Variants in RNF212 observed in about 807,000 individuals in gnomAD.
RNF212 encodes the protein probable E3 SUMO-protein ligase RNF212.
Under a neutral mutation model 34.7 loss-of-function variants are expected in RNF212, and 33 were observed. The observed-to-expected ratio is 0.95, with a 90% CI of 0.72 to 1.27. The LOEUF (loss-of-function observed/expected upper bound fraction) is 1.27. Ranked by LOEUF, RNF212 falls within the 50% of genes most tolerant of loss-of-function variation. The probability of loss-of-function intolerance (pLI) is 0.00; values close to 1 mark genes in which losing one functional copy is unlikely to be tolerated. For missense variants in RNF212, 377 were observed against 362.2 expected, an observed-to-expected ratio of 1.04 and a Z score of -0.33; for synonymous variants, 140 against 136.1, an observed-to-expected ratio of 1.03 and a Z score of -0.20.
chr4:1,076,218 G>A (rs1042287997), intron 8 of RNF212, among the ~76,000 whole-genome samples: 15 of 152,160 alleles, frequency 9.9e-5, no homozygotes, highest in African/African-American at 3.4e-4. Context: ...GGGGCCTTAG[G>A]CTCTGCTTCT....
At chr4:1,060,365 C>T (rs1717670217) in intron 3 of RNF212, among the ~76,000 whole-genome samples, 2 of 152,160 alleles carry the variant, frequency 1.3e-5, no homozygotes. Context: ...TCAAGTCACA[C>T]CAGGCGTCAT....
At chr4:1,112,084 T>A (rs1343586371) in intron 1 of RNF212, among the ~76,000 whole-genome samples, 1 of 152,186 alleles carries the variant, frequency 6.6e-6, no homozygotes, top group Non-Finnish European at 1.5e-5. Flanking sequence ...TGCACATGCC[T>A]GTAGCCCCGC....
intron 2 of RNF212, chr4:1,101,077 T>C (rs1315164082): frequency 2.5e-5 from 4 of 160,278 alleles, no homozygotes; most frequent in Non-Finnish European, 5.6e-5. Flanking sequence ...CACCTGCAGA[T>C]AAATATGTTT....
chr4:1,100,196 TTTCC>T lies in RNF212; in HGVS notation c.172-3361_172-3358del, dbSNP rs200445136. The T allele has an allele frequency of 1.9e-4, 57 of 306,064 alleles. 1 individual carries two copies. The East Asian group carries it at 5.0e-3, about 27-fold the overall frequency. The allele number at this position is 306,064 out of a possible 1,614,324, so 19.0% of individuals were successfully genotyped here. On this transcript the variant is annotated intron_variant, in intron 2 of 9. Coordinates refer to ENST00000433731, the MANE Select transcript of RNF212 (RefSeq NM_001131034.4). ...TTCAGAATCGTACCAGGCTTACTGCTTTCCCGTGATACTTCTAGCGTTAGGTCTT... is the reference window on the plus strand; with the variant it reads ...TTCAGAATCGTACCAGGCTTACTGCTCGTGATACTTCTAGCGTTAGGTCTT...
At chr4:1,077,628 A>G (rs879619376) in intron 8 of RNF212, among the ~76,000 whole-genome samples, 2 of 152,220 alleles carry the variant, frequency 1.3e-5, no homozygotes, top group Admixed American at 6.5e-5. Flanking sequence ...CTTCCTCCTT[A>G]AGCTGTGGGG....
chr4:1,109,256 C>G (rs540401425), intron 1 of RNF212, among the ~76,000 whole-genome samples: 2 of 152,300 alleles, frequency 1.3e-5, no homozygotes, highest in African/African-American at 4.8e-5. Context: ...GATCAGCCCA[C>G]ATCGGTCTCT....
intron 4 of RNF212, chr4:1,056,645 T>A (rs988156637): frequency 4.4e-6 from 2 of 450,342 alleles, no homozygotes; most frequent in Admixed American, 6.4e-5. Context: ...TAAGTCATAA[T>A]TTTCGAAATT....
At chr4:1,056,482 GA>G in exon 5 of RNF212, 1 of 985,140 alleles carries the variant, frequency 1.0e-6, no homozygotes, top group Non-Finnish European at 1.2e-6. Flanking sequence ...CTTTGTCTTT[GA>G]AATGACTTCA....
exon 4 of RNF212, chr4:1,058,374 G>A: frequency 1.0e-6 from 1 of 984,126 alleles, no homozygotes; most frequent in Non-Finnish European, 1.2e-6. Flanking sequence ...GATGCTCGGG[G>A]CCCAGGGAGG....
intron 3 of RNF212, chr4:1,094,123 C>G: frequency 7.7e-7 from 1 of 1,303,678 alleles, no homozygotes; most frequent in Non-Finnish European, 1.0e-6. Flanking sequence ...AGGAGAGTGC[C>G]ATGCAGGGGT....
chr4:1,109,864 C>T (rs1725388785), intron 1 of RNF212, among the ~76,000 whole-genome samples: 1 of 152,240 alleles, frequency 6.6e-6, no homozygotes. Context: ...CAGCTCCCAG[C>T]ACACAGAATG....
At position 1,072,601 on chromosome 4, in the gene RNF212, A is replaced by T. The variant is rs1718625056; in HGVS notation, c.*273T>A. 1 of 970,980 alleles carries T rather than the reference A, an allele frequency of 1.0e-6. No homozygotes were observed. Among genetic ancestry groups the T allele is most frequent in the Admixed American group, 4.8e-5 (1 of 20,952 alleles). 60.1% of individuals were successfully genotyped at this position (970,980 alleles called of 1,614,324 possible). A position where few individuals can be genotyped will look rare whatever the true frequency, so the allele number is the denominator to read the frequency against. On this transcript the variant is annotated 3_prime_UTR_variant, in exon 10 of 10. Transcript: ENST00000433731. ...TTTAAAAACCACCCAGTTAGAAAAAAATGATTTAAGTATGTGAAAAAAAAA... is the reference window on the plus strand; with the variant it reads ...TTTAAAAACCACCCAGTTAGAAAAATATGATTTAAGTATGTGAAAAAAAAA...
chr4:1,092,621 T>C (rs1026479607), intron 3 of RNF212, among the ~76,000 whole-genome samples: 23 of 152,234 alleles, frequency 1.5e-4, no homozygotes, highest in African/African-American at 4.8e-4. Context: ...AGTGAGTGTT[T>C]ATCTTGCAGA....
At chr4:1,073,760 C>T (rs1718810045) in intron 8 of RNF212, 98 bp from the exon 9 acceptor site, 1 of 791,114 alleles carries the variant, frequency 1.3e-6, no homozygotes, top group Non-Finnish European at 2.2e-6. Flanking sequence ...TCCCAGAACC[C>T]CATCTCCCTC....
Position 1,073,140 on chromosome 4 carries a change from G to T in RNF212, c.628C>A (p.Pro210Thr). The T allele has an allele frequency of 6.2e-7, 1 of 1,614,174 alleles. No homozygotes were observed. ...CFIPWLTLSK[P>T]PVPGECVISR... is the part of the protein sequence containing the mutation. ...ATGACACACTCTCCGGGCACAGGGG[G>T]CTTAGACAAGGTCAACCATGGGATG... The change falls in exon 10 of 10, where the codon CCC becomes ACC. Residue 210 changes from proline (P) to threonine (T), a missense_variant. Coordinates refer to ENST00000433731, the MANE Select transcript of RNF212 (RefSeq NM_001131034.4).
chr4:1,113,532 C>A lies in RNF212; in HGVS notation c.-68G>T, dbSNP rs1726167265. 1.5e-6 allele frequency: 2 copies of A among 1,343,132 alleles called. No homozygotes were observed. The highest frequency in any genetic ancestry group is 2.1e-6 in the Non-Finnish European group (2 of 966,308). The allele number at this position is 1,343,132 out of a possible 1,614,324, so 83.2% of individuals were successfully genotyped here. On this transcript the variant is annotated 5_prime_UTR_variant, in exon 1 of 10. Coordinates refer to ENST00000433731, the MANE Select transcript of RNF212 (RefSeq NM_001131034.4). ...GCCCACGCAAGGTTGGGACCAGCCT[C>A]CCCGCGCAGGGCCCGAAGGCGGGCA...
intron 2 of RNF212, among the ~76,000 whole-genome samples, chr4:1,106,823 T>C (rs1201356029): frequency 6.6e-6 from 1 of 152,222 alleles, no homozygotes; most frequent in Non-Finnish European, 1.5e-5. Context: ...CTGTTAAAAG[T>C]GCAAACATTT....
At chr4:1,089,227 G>T (rs967408094) in intron 4 of RNF212, among the ~76,000 whole-genome samples, 21 of 152,204 alleles carry the variant, frequency 1.4e-4, no homozygotes, top group African/African-American at 4.6e-4. Context: ...GTTGCCCAAG[G>T]CCTTGGGAGC....
intron 3 of RNF212, 40 bp from the exon 4 acceptor site, chr4:1,090,878 C>T (rs778425137): frequency 7.2e-5 from 96 of 1,333,958 alleles, no homozygotes; most frequent in African/African-American, 1.2e-4. Flanking sequence ...CACAGATCCA[C>T]GGTCTCTGTG....
Sources: allele counts gnomAD v4.1 joint callset (sites outside exome capture counted in the v4.1 genomes callset), GRCh38; gene constraint gnomAD v4.1.1; transcripts MANE v1.5; gene names NCBI Gene and HGNC (gene_info 2026-07-23, HGNC 2026-07-21).